HNRNPC: variants seen among roughly 807,000 people sequenced by gnomAD.
The protein encoded by HNRNPC is heterogeneous nuclear ribonucleoproteins C1/C2.
In HNRNPC, 3 loss-of-function variants were observed where a neutral mutation model predicts 33.2. That is an observed-to-expected ratio of 0.09 (90% CI 0.04 to 0.23). The LOEUF (loss-of-function observed/expected upper bound fraction) is 0.23, where lower values mean the gene tolerates loss of function less well. HNRNPC is among the 10% of genes least tolerant of loss of function. The pLI is 1.00. For missense variants in HNRNPC, 143 were observed against 366.7 expected, an observed-to-expected ratio of 0.39 and a Z score of 4.98; for synonymous variants, 121 against 126.7, an observed-to-expected ratio of 0.96 and a Z score of 0.30.
intron 1 of HNRNPC, among the ~76,000 whole-genome samples, chr14:21,267,460 G>C (rs1451631803): frequency 6.6e-6 from 1 of 152,108 alleles, no homozygotes; most frequent in African/African-American, 2.4e-5. Context: ...ATCCTCTAGA[G>C]ATTTAATTAC....
chr14:21,221,415 T>G (rs765511491), intron 5 of HNRNPC, among the ~76,000 whole-genome samples: 1 of 152,214 alleles, frequency 6.6e-6, no homozygotes, highest in African/African-American at 2.4e-5. Flanking sequence ...AACTTAAATG[T>G]TCTACTGAAC....
At chr14:21,265,040 TA>T (rs1303391076) in intron 1 of HNRNPC, 1 of 152,144 alleles carries the variant, frequency 6.6e-6, no homozygotes, top group East Asian at 1.9e-4. Flanking sequence ...ATTGAGCTTT[TA>T]GAAGTGTTCC....
At chr14:21,228,141 G>C (rs1240506765) in intron 5 of HNRNPC, among the ~76,000 whole-genome samples, 1 of 152,176 alleles carries the variant, frequency 6.6e-6, no homozygotes, top group Non-Finnish European at 1.5e-5. Context: ...AAGGGTTAAA[G>C]GGCAGATGCT....
intron 2 of HNRNPC, among the ~76,000 whole-genome samples, chr14:21,240,825 A>G (rs1197706874): frequency 1.3e-5 from 2 of 152,210 alleles, no homozygotes; most frequent in Non-Finnish European, 1.5e-5. Flanking sequence ...CTTAAAACAC[A>G]TTATCCAATG....
chr14:21,264,025 C>T (rs1878589901), intron 1 of HNRNPC: 1 of 152,104 alleles, frequency 6.6e-6, no homozygotes, highest in African/African-American at 2.4e-5. Context: ...CAATAGATGA[C>T]TAAAATTAAC....
intron 2 of HNRNPC, among the ~76,000 whole-genome samples, chr14:21,240,925 G>A (rs1438155864): frequency 1.3e-5 from 2 of 152,078 alleles, no homozygotes; most frequent in African/African-American, 2.4e-5. Flanking sequence ...TATTACCTCA[G>A]ATTTGGAAAT....
At chr14:21,245,735 C>T (rs1895911230) in intron 2 of HNRNPC, among the ~76,000 whole-genome samples, 1 of 152,110 alleles carries the variant, frequency 6.6e-6, no homozygotes, top group African/African-American at 2.4e-5. Context: ...AGTTTACTAA[C>T]ATTTTTACTT....
intron 2 of HNRNPC, among the ~76,000 whole-genome samples, chr14:21,259,398 GC>G (rs1168779301): frequency 6.6e-6 from 1 of 152,266 alleles, no homozygotes; most frequent in African/African-American, 2.4e-5. Context: ...ATCTAAGAGG[GC>G]AGGGGACATG....
intron 2 of HNRNPC, among the ~76,000 whole-genome samples, chr14:21,244,142 G>A (rs763004792): frequency 7.9e-5 from 12 of 151,648 alleles, no homozygotes; most frequent in East Asian, 1.9e-4. Context: ...GACTACAGGC[G>A]CCCGCCACCA....
At chr14:21,260,960 CAA>C (rs71112564) in intron 2 of HNRNPC, among the ~76,000 whole-genome samples, 13,169 of 88,318 alleles carry the variant, frequency 0.15, 766 homozygotes, top group African/African-American at 0.27. Context: ...GAGACTGTCT[CAA>C]AAAAAAAAAA....
chr14:21,214,439 C>T (rs375080743), intron 5 of HNRNPC, among the ~76,000 whole-genome samples: 1 of 152,044 alleles, frequency 6.6e-6, no homozygotes, highest in Non-Finnish European at 1.5e-5. Flanking sequence ...AATCTTGTCC[C>T]AGGAGTGGCT....
chr14:21,213,028 G>T lies in HNRNPC; in HGVS notation c.455C>A (p.Thr152Asn), dbSNP rs745938789. Residue 152 changes from threonine to asparagine, a missense_variant, in exon 6 of 9, where the codon ACT becomes AAT. This residue lies in a region of HNRNPC where 131 missense variants were observed against 253.0 expected (regional missense o/e 0.52). Coordinates refer to ENST00000553300, the MANE Select transcript of HNRNPC (RefSeq NM_004500.4). ...PSKRQRVSGNTSRRGKSGFNS... is the reference protein window; with the variant it reads ...PSKRQRVSGNNSRRGKSGFNS... ...GAAGCCACTTTTGCCCCTTCGTGAAGTGTTTCCTGATACACGCTGACGTTT... is the reference window on the plus strand; with the variant it reads ...GAAGCCACTTTTGCCCCTTCGTGAATTGTTTCCTGATACACGCTGACGTTT... 6.2e-7 allele frequency: 1 copy of T among 1,614,004 alleles called. No individual in the cohort carries two copies. Among genetic ancestry groups the T allele is most frequent in the South Asian group, 1.1e-5 (1 of 91,072 alleles).
At chr14:21,222,091 T>G (rs562303211) in intron 5 of HNRNPC, among the ~76,000 whole-genome samples, 2 of 141,962 alleles carry the variant, frequency 1.4e-5, no homozygotes, top group African/African-American at 2.6e-5. Context: ...GAAAAGACAT[T>G]CAATATTTTT....
At chr14:21,234,449 A>G (rs1226002870) in intron 2 of HNRNPC, among the ~76,000 whole-genome samples, 3 of 152,092 alleles carry the variant, frequency 2.0e-5, no homozygotes, top group Admixed American at 2.0e-4. Context: ...ATTCTATTTC[A>G]GCAGCACTAA....
chr14:21,224,331 T>TA (rs1191259180), intron 5 of HNRNPC, among the ~76,000 whole-genome samples: 1 of 152,198 alleles, frequency 6.6e-6, no homozygotes, highest in Admixed American at 6.5e-5. Context: ...TCATTTCAAC[T>TA]AATTTTCTCT....
At chr14:21,216,838 A>T (rs1043010291) in intron 5 of HNRNPC, among the ~76,000 whole-genome samples, 1 of 152,266 alleles carries the variant, frequency 6.6e-6, no homozygotes, top group Non-Finnish European at 1.5e-5. Context: ...AAAAACTGAT[A>T]TAAAAAAGTT....
chr14:21,256,312 G>A (rs1361273256), intron 2 of HNRNPC, among the ~76,000 whole-genome samples: 1 of 152,044 alleles, frequency 6.6e-6, no homozygotes, highest in East Asian at 1.9e-4. Flanking sequence ...AGCTGGGCTT[G>A]GTGGCTGGTG....
At chr14:21,262,183 CTT>C (rs1878359906) in intron 2 of HNRNPC, among the ~76,000 whole-genome samples, 1 of 152,090 alleles carries the variant, frequency 6.6e-6, no homozygotes. Context: ...TGGTTTGACT[CTT>C]GTGAAATATT....
chr14:21,242,195 A>G (rs909362649), intron 2 of HNRNPC, among the ~76,000 whole-genome samples: 1 of 149,758 alleles, frequency 6.7e-6, no homozygotes, highest in African/African-American at 2.6e-5. Context: ...AATAATAATA[A>G]GGTGTGGGGC....
Sources: allele counts gnomAD v4.1 joint callset (sites outside exome capture counted in the v4.1 genomes callset), GRCh38; gene constraint gnomAD v4.1.1; regional missense constraint gnomAD v4.1.1; transcripts MANE v1.5; gene names NCBI Gene and HGNC (gene_info 2026-07-23, HGNC 2026-07-21).